The following SGCZ variants were observed in gnomAD, a reference collection of about 807,000 sequenced individuals.
SGCZ encodes sarcoglycan zeta, also known as zeta-sarcoglycan.
SGCZ carries 40 observed loss-of-function variants against 41.3 expected under a neutral mutation model. That is an observed-to-expected ratio of 0.97 (90% CI 0.75 to 1.26). SGCZ has a LOEUF of 1.26. Among genes scored for constraint, SGCZ ranks in the 50% most tolerant of loss-of-function variants. The pLI, the probability that SGCZ is intolerant of heterozygous loss-of-function variation, is 0.00. For synonymous variants in SGCZ, 206 were observed against 137.5 expected, an observed-to-expected ratio of 1.50 and a Z score of -3.49; for missense variants, 552 against 369.8, an observed-to-expected ratio of 1.49 and a Z score of -4.04.
intron 1 of SGCZ, among the ~76,000 whole-genome samples, chr8:14,713,191 T>C (rs1168061118): frequency 1.3e-5 from 2 of 152,176 alleles, no homozygotes; most frequent in South Asian, 4.1e-4. Flanking sequence ...ATAACATGCA[T>C]AGTAATTTGT....
At chr8:15,059,302 C>T (rs1804830303) in intron 1 of SGCZ, among the ~76,000 whole-genome samples, 1 of 152,090 alleles carries the variant, frequency 6.6e-6, no homozygotes, top group Admixed American at 6.5e-5. Context: ...AAGCAATCAG[C>T]AAAGTCCATA....
intron 1 of SGCZ, among the ~76,000 whole-genome samples, chr8:15,166,705 T>A (rs562628420): frequency 1.4e-4 from 21 of 152,386 alleles, no homozygotes; most frequent in African/African-American, 4.6e-4. Context: ...TAACCAAACT[T>A]ATTTGTCAAT....
At chr8:14,669,626 A>G (rs1468341733) in intron 1 of SGCZ, among the ~76,000 whole-genome samples, 1 of 151,926 alleles carries the variant, frequency 6.6e-6, no homozygotes, top group African/African-American at 2.4e-5. Flanking sequence ...CTCCAGGTCC[A>G]TACATGTTAT....
At chr8:14,990,601 G>A (rs1172522446) in intron 1 of SGCZ, among the ~76,000 whole-genome samples, 3 of 152,060 alleles carry the variant, frequency 2.0e-5, no homozygotes, top group Non-Finnish European at 4.4e-5. Context: ...ACCCCTAGAT[G>A]AGACCATCTA....
At chr8:14,326,317 C>G (rs1360738275) in intron 2 of SGCZ, among the ~76,000 whole-genome samples, 2 of 151,398 alleles carry the variant, frequency 1.3e-5, no homozygotes, top group African/African-American at 4.9e-5. Context: ...ATGGCCTAAC[C>G]CCTCCAAAAG....
chr8:14,574,298 T>C (rs1252810905), intron 1 of SGCZ, among the ~76,000 whole-genome samples: 1 of 152,010 alleles, frequency 6.6e-6, no homozygotes, highest in Admixed American at 6.6e-5. Context: ...GCCACCCTTA[T>C]TCTCCCCTTA....
intron 1 of SGCZ, among the ~76,000 whole-genome samples, chr8:14,982,699 T>C (rs1801707754): frequency 6.6e-6 from 1 of 152,214 alleles, no homozygotes; most frequent in Non-Finnish European, 1.5e-5. Context: ...TGGTCAAATA[T>C]ATCACCTTTT....
At chr8:14,994,879 A>C (rs1430427130) in intron 1 of SGCZ, among the ~76,000 whole-genome samples, 1 of 152,162 alleles carries the variant, frequency 6.6e-6, no homozygotes, top group East Asian at 1.9e-4. Flanking sequence ...CCCTCCCCAA[A>C]ATGCTCTCCA....
chr8:14,347,645 T>C (rs1342760792), intron 2 of SGCZ, among the ~76,000 whole-genome samples: 1 of 151,508 alleles, frequency 6.6e-6, no homozygotes, highest in Admixed American at 6.6e-5. Context: ...CATATACACA[T>C]AGGTAAATCT....
chr8:14,493,554 G>T (rs1261042591), intron 2 of SGCZ, among the ~76,000 whole-genome samples: 1 of 150,884 alleles, frequency 6.6e-6, no homozygotes, highest in Non-Finnish European at 1.5e-5. Context: ...TTTTAGTAGA[G>T]ATGGGGTTTC....
chr8:14,710,648 A>G (rs1358293500), intron 1 of SGCZ, among the ~76,000 whole-genome samples: 1 of 152,124 alleles, frequency 6.6e-6, no homozygotes. Context: ...TCAAATAAGA[A>G]TATACAAATA....
intron 1 of SGCZ, among the ~76,000 whole-genome samples, chr8:14,990,498 G>T (rs143977074): frequency 6.6e-6 from 1 of 151,948 alleles, no homozygotes; most frequent in Non-Finnish European, 1.5e-5. Context: ...GTATTGGAGC[G>T]CAAACTCCAT....
intron 1 of SGCZ, among the ~76,000 whole-genome samples, chr8:15,094,991 G>A (rs912150932): frequency 6.6e-6 from 1 of 152,152 alleles, no homozygotes; most frequent in Non-Finnish European, 1.5e-5. Context: ...AGTACAAGGA[G>A]CCACAGTGTT....
chr8:14,095,226 C>CTAAG (rs1370790768), intron 7 of SGCZ, among the ~76,000 whole-genome samples: 2 of 152,068 alleles, frequency 1.3e-5, no homozygotes, highest in Non-Finnish European at 2.9e-5. Flanking sequence ...ATGGCATTGC[C>CTAAG]TAAGTTTTCT....
chr8:14,404,167 C>T (rs1407952671), intron 2 of SGCZ, among the ~76,000 whole-genome samples: 1 of 152,120 alleles, frequency 6.6e-6, no homozygotes, highest in Non-Finnish European at 1.5e-5. Context: ...TCATAACAAT[C>T]ACATACTTAG....
chr8:14,212,287 A>C (rs546993054), intron 4 of SGCZ, among the ~76,000 whole-genome samples: 32 of 152,120 alleles, frequency 2.1e-4, no homozygotes, highest in Non-Finnish European at 4.1e-4. Flanking sequence ...TGAAAAACCT[A>C]CCAGGGGAGC....
chr8:14,228,646 G>T (rs1055167880), intron 4 of SGCZ, among the ~76,000 whole-genome samples: 8 of 151,852 alleles, frequency 5.3e-5, no homozygotes, highest in Non-Finnish European at 1.0e-4. Context: ...AATATATAAG[G>T]AGATGGGGGC....
intron 3 of SGCZ, among the ~76,000 whole-genome samples, chr8:14,283,300 A>G (rs906132352): frequency 6.6e-6 from 1 of 152,102 alleles, no homozygotes; most frequent in Non-Finnish European, 1.5e-5. Context: ...ATTAATTCTG[A>G]GCCCTTTTCA....
chr8:14,590,242 AG>A, intron 1 of SGCZ, among the ~76,000 whole-genome samples: 1 of 152,262 alleles, frequency 6.6e-6, no homozygotes, highest in East Asian at 1.9e-4. Flanking sequence ...TGAATAAAAA[AG>A]CAAAAATAAT....
Sources: allele counts gnomAD v4.1 joint callset (sites outside exome capture counted in the v4.1 genomes callset), GRCh38; gene constraint gnomAD v4.1.1; transcripts MANE v1.5; gene names NCBI Gene and HGNC (gene_info 2026-07-23, HGNC 2026-07-21).